The following HS6ST3 variants were observed in gnomAD, a reference collection of about 807,000 sequenced individuals.
HS6ST3 encodes heparan-sulfate 6-O-sulfotransferase 3.
A neutral mutation model predicts 36.7 loss-of-function variants in HS6ST3; 12 were observed. The ratio of observed to expected loss-of-function variants is 0.33; its 90% confidence interval spans 0.21 to 0.53. The LOEUF (loss-of-function observed/expected upper bound fraction) is 0.53, where lower values mean the gene tolerates loss of function less well. Among genes scored for constraint, HS6ST3 ranks in the 20% least tolerant of loss-of-function variants. The pLI, the probability that HS6ST3 is intolerant of heterozygous loss-of-function variation, is 0.95. For missense variants in HS6ST3, 584 were observed against 640.9 expected (o/e 0.91, Z 0.96); for synonymous variants, 240 against 257.5 (o/e 0.93, Z 0.65).
At chr13:96,789,901 T>A (rs998109957) in intron 1 of HS6ST3, among the ~76,000 whole-genome samples, 8 of 152,060 alleles carry the variant, frequency 5.3e-5, no homozygotes, top group African/African-American at 1.9e-4. Flanking sequence ...GGAATTTTTT[T>A]AAGTTTATCT....
chr13:96,763,680 C>T (rs957492451), intron 1 of HS6ST3, among the ~76,000 whole-genome samples: 1 of 152,030 alleles, frequency 6.6e-6, no homozygotes, highest in African/African-American at 2.4e-5. Flanking sequence ...TTCTTAGCTC[C>T]TTTTGCTTTA....
At chr13:96,778,292 G>C (rs1262436957) in intron 1 of HS6ST3, among the ~76,000 whole-genome samples, 1 of 151,980 alleles carries the variant, frequency 6.6e-6, no homozygotes, top group Non-Finnish European at 1.5e-5. Flanking sequence ...AAACACCAAA[G>C]GCAATGGCAA....
intron 1 of HS6ST3, among the ~76,000 whole-genome samples, chr13:96,475,878 C>T (rs1277208434): frequency 6.6e-6 from 1 of 152,074 alleles, no homozygotes; most frequent in Non-Finnish European, 1.5e-5. Flanking sequence ...TTGGATTAAC[C>T]TCATCCAAGA....
intron 1 of HS6ST3, among the ~76,000 whole-genome samples, chr13:96,131,644 C>T (rs542769629): frequency 6.6e-6 from 1 of 151,838 alleles, no homozygotes; most frequent in Non-Finnish European, 1.5e-5. Context: ...GTTTCTTGAC[C>T]TTATTCCTCC....
chr13:96,409,114 T>A (rs1204354677), intron 1 of HS6ST3, among the ~76,000 whole-genome samples: 3 of 151,804 alleles, frequency 2.0e-5, no homozygotes, highest in Non-Finnish European at 4.4e-5. Flanking sequence ...AGAGAAGGTA[T>A]TTGGCTGGAT....
intron 1 of HS6ST3, among the ~76,000 whole-genome samples, chr13:96,186,051 T>C (rs1291711405): frequency 6.6e-6 from 1 of 152,234 alleles, no homozygotes; most frequent in Non-Finnish European, 1.5e-5. Context: ...TATGCATGCA[T>C]ATGTATGTAA....
At chr13:96,718,883 A>G (rs1349795087) in intron 1 of HS6ST3, among the ~76,000 whole-genome samples, 1 of 152,220 alleles carries the variant, frequency 6.6e-6, no homozygotes. Context: ...AAAAAGCTTT[A>G]GTAAAGGTGT....
At chr13:96,277,250 T>C (rs2054752883) in intron 1 of HS6ST3, among the ~76,000 whole-genome samples, 1 of 152,216 alleles carries the variant, frequency 6.6e-6, no homozygotes, top group South Asian at 2.1e-4. Flanking sequence ...TAGCACAGTC[T>C]TCATGGATCT....
chr13:96,328,391 G>A (rs1265245597), intron 1 of HS6ST3, among the ~76,000 whole-genome samples: 6 of 151,864 alleles, frequency 4.0e-5, no homozygotes, highest in Non-Finnish European at 8.8e-5. Context: ...TTAGCATGAA[G>A]GGTTGTTGAA....
chr13:96,288,566 G>C (rs2054814875), intron 1 of HS6ST3, among the ~76,000 whole-genome samples: 1 of 151,948 alleles, frequency 6.6e-6, no homozygotes, highest in Non-Finnish European at 1.5e-5. Context: ...TACATTCCTT[G>C]AAAAAGTGAT....
intron 1 of HS6ST3, among the ~76,000 whole-genome samples, chr13:96,325,646 C>T (rs1390391794): frequency 6.6e-6 from 1 of 152,072 alleles, no homozygotes; most frequent in Non-Finnish European, 1.5e-5. Flanking sequence ...ATTTTGGTAT[C>T]CTTGGGAGTT....
chr13:96,700,496 G>A (rs982043745), intron 1 of HS6ST3, among the ~76,000 whole-genome samples: 1 of 151,964 alleles, frequency 6.6e-6, no homozygotes, highest in African/African-American at 2.4e-5. Context: ...TTTCTTTCCT[G>A]TTTACTTGTT....
intron 1 of HS6ST3, among the ~76,000 whole-genome samples, chr13:96,519,458 A>G (rs1168444809): frequency 6.6e-6 from 1 of 152,214 alleles, no homozygotes; most frequent in African/African-American, 2.4e-5. Context: ...CCACTGGGGA[A>G]GAGAGGAACA....
intron 1 of HS6ST3, among the ~76,000 whole-genome samples, chr13:96,507,792 C>T (rs1219401513): frequency 1.3e-5 from 2 of 151,976 alleles, no homozygotes; most frequent in African/African-American, 2.4e-5. Flanking sequence ...AGCATCATTC[C>T]AGAAAAATAA....
intron 1 of HS6ST3, among the ~76,000 whole-genome samples, chr13:96,809,594 A>G (rs1055604834): frequency 1.3e-5 from 2 of 152,224 alleles, no homozygotes; most frequent in South Asian, 4.1e-4. Context: ...GTTGCTGTAC[A>G]GAGGAGCAGC....
chr13:96,316,326 G>A (rs967856104), intron 1 of HS6ST3, among the ~76,000 whole-genome samples: 1 of 151,686 alleles, frequency 6.6e-6, no homozygotes, highest in African/African-American at 2.4e-5. Context: ...GTGTATGACT[G>A]TATGTAAAAG....
chr13:96,432,530 G>T (rs2055620681), intron 1 of HS6ST3, among the ~76,000 whole-genome samples: 7 of 152,056 alleles, frequency 4.6e-5, no homozygotes. Flanking sequence ...CTGTTTTGTG[G>T]CATTTGTATT....
At chr13:96,614,330 A>G (rs1283662929) in intron 1 of HS6ST3, among the ~76,000 whole-genome samples, 1 of 123,298 alleles carries the variant, frequency 8.1e-6, no homozygotes, top group Non-Finnish European at 1.7e-5. Flanking sequence ...AAAAAAAAAC[A>G]GTTATTACCA....
At chr13:96,727,885 C>T (rs1449540430) in intron 1 of HS6ST3, among the ~76,000 whole-genome samples, 1 of 152,184 alleles carries the variant, frequency 6.6e-6, no homozygotes, top group African/African-American at 2.4e-5. Flanking sequence ...AATTTCCATA[C>T]AACTTTCAAA....
Sources: gnomAD v4.1 joint callset for allele counts (sites outside exome capture counted in the v4.1 genomes callset) on GRCh38, gnomAD v4.1.1 for gene constraint, MANE v1.5 for transcripts, NCBI Gene and HGNC (gene_info 2026-07-23, HGNC 2026-07-21) for gene names.